Variants in GPC6 observed in about 807,000 individuals in gnomAD.
GPC6 encodes glypican 6, also known as glypican-6.
In GPC6, 14 loss-of-function variants were observed where a neutral mutation model predicts 55.2. That is an observed-to-expected ratio of 0.25 (90% CI 0.17 to 0.40). The LOEUF is 0.40. GPC6 is among the 10% of genes least tolerant of loss of function. GPC6 has a pLI of 1.00. For synonymous variants in GPC6, 278 were observed against 259.6 expected (o/e 1.07, Z -0.68); for missense variants, 641 against 708.5 (o/e 0.90, Z 1.08).
chr13:93,562,567 T>C (rs1010959648), intron 2 of GPC6, among the ~76,000 whole-genome samples: 4 of 152,202 alleles, frequency 2.6e-5, no homozygotes, highest in Non-Finnish European at 4.4e-5. Flanking sequence ...GCACTTATTA[T>C]CATCTTTGAC....
intron 2 of GPC6, among the ~76,000 whole-genome samples, chr13:93,807,996 G>C (rs910657484): frequency 6.6e-6 from 1 of 152,188 alleles, no homozygotes; most frequent in Non-Finnish European, 1.5e-5. Context: ...TTAATGAAGA[G>C]TAGATGGGTG....
At chr13:93,456,707 G>A (rs1230718296) in intron 1 of GPC6, among the ~76,000 whole-genome samples, 1 of 152,028 alleles carries the variant, frequency 6.6e-6, no homozygotes, top group African/African-American at 2.4e-5. Context: ...GAGACGTAAG[G>A]AATAAGGAAT....
intron 4 of GPC6, among the ~76,000 whole-genome samples, chr13:94,264,761 C>G (rs1195191971): frequency 6.6e-6 from 1 of 152,182 alleles, no homozygotes; most frequent in Non-Finnish European, 1.5e-5. Flanking sequence ...GCTGCTGATA[C>G]AGTCATACCC....
At chr13:94,335,133 T>C (rs1040063117) in intron 6 of GPC6, among the ~76,000 whole-genome samples, 4 of 152,122 alleles carry the variant, frequency 2.6e-5, no homozygotes, top group African/African-American at 9.7e-5. Context: ...AGTTGTCTTA[T>C]CCTTACCAAA....
intron 1 of GPC6, among the ~76,000 whole-genome samples, chr13:93,282,462 T>C (rs1877985238): frequency 6.6e-6 from 1 of 151,996 alleles, no homozygotes; most frequent in East Asian, 1.9e-4. Flanking sequence ...AGGTATGTAT[T>C]GTATGAAAAA....
intron 6 of GPC6, among the ~76,000 whole-genome samples, chr13:94,341,946 A>T (rs978607246): frequency 1.3e-5 from 2 of 152,236 alleles, no homozygotes; most frequent in Non-Finnish European, 2.9e-5. Flanking sequence ...TAGTAATAAG[A>T]CACTGATAAT....
At chr13:93,860,833 C>G (rs570564900) in intron 3 of GPC6, among the ~76,000 whole-genome samples, 81 of 151,700 alleles carry the variant, frequency 5.3e-4, no homozygotes, top group African/African-American at 1.9e-3. Context: ...TATATAACAG[C>G]AATTTTGAAT....
intron 1 of GPC6, among the ~76,000 whole-genome samples, chr13:93,347,474 T>A (rs1052809450): frequency 3.3e-5 from 5 of 152,178 alleles, no homozygotes; most frequent in African/African-American, 1.2e-4. Flanking sequence ...AGTATCACAG[T>A]GACCAAAGAA....
chr13:94,144,137 G>T (rs1887475631), intron 4 of GPC6, among the ~76,000 whole-genome samples: 1 of 152,040 alleles, frequency 6.6e-6, no homozygotes, highest in African/African-American at 2.4e-5. Flanking sequence ...TAATAGCGCT[G>T]TTGTCCTATT....
At chr13:94,183,604 G>A (rs1313498203) in intron 4 of GPC6, among the ~76,000 whole-genome samples, 1 of 152,064 alleles carries the variant, frequency 6.6e-6, no homozygotes, top group Non-Finnish European at 1.5e-5. Flanking sequence ...TGGGTCATAT[G>A]GTAATTTTAT....
At position 94,268,817 on chromosome 13, in the gene GPC6, A is replaced by G. The variant is rs546873504; in HGVS notation, c.878-17532A>G. On this transcript the variant is annotated intron_variant, in intron 4 of 8. Transcript: ENST00000377047. ...TTTCCCTCACTGAAGAACATCTCTC[A>G]TATTTCATGACTCTTATTATAACGT... 5.3e-5 allele frequency among the ~76,000 whole-genome samples: 8 copies of G among 152,210 alleles called. No individual in the cohort carries two copies. The South Asian group carries it at 1.7e-3, about 32-fold the overall frequency.
intron 2 of GPC6, among the ~76,000 whole-genome samples, chr13:93,711,837 A>G (rs927362263): frequency 3.9e-5 from 6 of 151,926 alleles, no homozygotes; most frequent in Admixed American, 3.9e-4. Context: ...GCAACCCATG[A>G]TTATGAGAAT....
rs112105141 is a variant in GPC6, at chr13:93,560,683, G to A, written c.319+15262G>A. 3.3e-3 allele frequency among the ~76,000 whole-genome samples: 500 copies of A among 150,714 alleles called. 4 individuals are homozygous for A. Among genetic ancestry groups the A allele is most frequent in the African/African-American group, 0.012 (480 of 41,026 alleles). On this transcript the variant is annotated intron_variant, in intron 2 of 8. Coordinates refer to ENST00000377047, the MANE Select transcript of GPC6 (RefSeq NM_005708.5). ...ATCCTGGCTAACACTGTGAAACCGC[G>A]TCTGTACTAAAAATACAAAAAATTA...
At chr13:93,525,809 C>T (rs1250018855) in intron 1 of GPC6, among the ~76,000 whole-genome samples, 1 of 151,992 alleles carries the variant, frequency 6.6e-6, no homozygotes, top group East Asian at 1.9e-4. Flanking sequence ...CAATATATGA[C>T]TGAAAGAATG....
intron 1 of GPC6, among the ~76,000 whole-genome samples, chr13:93,290,398 C>T (rs942620328): frequency 1.3e-5 from 2 of 152,034 alleles, no homozygotes; most frequent in Non-Finnish European, 2.9e-5. Context: ...TCCACCCTTA[C>T]GTTCTTATTT....
chr13:94,372,426 C>T (rs2139193889), intron 6 of GPC6, among the ~76,000 whole-genome samples: 1 of 152,328 alleles, frequency 6.6e-6, no homozygotes, highest in Non-Finnish European at 1.5e-5. Flanking sequence ...AGGGAGTTCC[C>T]TTTCCGAGTC....
intron 1 of GPC6, among the ~76,000 whole-genome samples, chr13:93,537,459 G>A (rs1213550782): frequency 6.6e-6 from 1 of 152,098 alleles, no homozygotes; most frequent in Non-Finnish European, 1.5e-5. Context: ...ACATCAATCA[G>A]TTATCAATTC....
At chr13:93,278,158 C>T (rs764040422) in intron 1 of GPC6, among the ~76,000 whole-genome samples, 2 of 152,120 alleles carry the variant, frequency 1.3e-5, no homozygotes, top group Non-Finnish European at 2.9e-5. Context: ...ACAAGTGCTG[C>T]AGAGGGAAAT....
chr13:93,874,120 A>T (rs1376577705), intron 3 of GPC6, among the ~76,000 whole-genome samples: 1 of 151,944 alleles, frequency 6.6e-6, no homozygotes, highest in Non-Finnish European at 1.5e-5. Context: ...AACTCATGTC[A>T]CAGGGGCTTG....
Sources: gnomAD v4.1 joint callset for allele counts (sites outside exome capture counted in the v4.1 genomes callset) on GRCh38, gnomAD v4.1.1 for gene constraint, MANE v1.5 for transcripts, NCBI Gene and HGNC (gene_info 2026-07-23, HGNC 2026-07-21) for gene names.